SHLD1: variants seen among roughly 807,000 people sequenced by gnomAD.
SHLD1 encodes the protein shieldin complex subunit 1.
Under a neutral mutation model 5.5 loss-of-function variants are expected in SHLD1, and 3 were observed. The observed-to-expected ratio is 0.54, with a 90% CI of 0.25 to 1.40. SHLD1 has a LOEUF of 1.40. Ranked by LOEUF, SHLD1 falls within the 40% of genes most tolerant of loss-of-function variation. The pLI is 0.15. For synonymous variants in SHLD1, 92 were observed against 94.3 expected, an observed-to-expected ratio of 0.98 and a Z score of 0.14; for missense variants, 210 against 244.4, an observed-to-expected ratio of 0.86 and a Z score of 0.94.
chr20:5,829,006 C>G (rs1164724365), intron 2 of SHLD1, among the ~76,000 whole-genome samples: 1 of 152,046 alleles, frequency 6.6e-6, no homozygotes, highest in African/African-American at 2.4e-5. Flanking sequence ...CCTGAGTAGC[C>G]GAGACTACAG....
At chr20:5,791,059 A>T (rs1235348189) in intron 2 of SHLD1, among the ~76,000 whole-genome samples, 2 of 152,052 alleles carry the variant, frequency 1.3e-5, no homozygotes, top group Non-Finnish European at 1.5e-5. Flanking sequence ...GCTACTTGGG[A>T]GGCTGAGGCA....
chr20:5,755,727 T>C (rs1002499979), intron 1 of SHLD1, among the ~76,000 whole-genome samples: 2 of 151,902 alleles, frequency 1.3e-5, no homozygotes, highest in Non-Finnish European at 2.9e-5. Flanking sequence ...GCCTGGCTAA[T>C]TTTGTATTTT....
At chr20:5,818,436 C>T (rs2087566046) in intron 2 of SHLD1, among the ~76,000 whole-genome samples, 1 of 152,188 alleles carries the variant, frequency 6.6e-6, no homozygotes, top group East Asian at 1.9e-4. Flanking sequence ...GTTAACTCTG[C>T]CATTGCCAGA....
intron 2 of SHLD1, among the ~76,000 whole-genome samples, chr20:5,803,769 G>A (rs1262357815): frequency 2.0e-5 from 3 of 151,744 alleles, no homozygotes; most frequent in Admixed American, 6.6e-5. Flanking sequence ...CTACTCAGAA[G>A]GCTAAGGCAG....
intron 2 of SHLD1, among the ~76,000 whole-genome samples, chr20:5,784,550 A>G (rs781184914): frequency 2.7e-4 from 41 of 151,914 alleles, no homozygotes; most frequent in Non-Finnish European, 5.1e-4. Flanking sequence ...TCCCGGGTTC[A>G]CGCCATTCTC....
At chr20:5,779,212 A>AAAAT (rs1357516798) in intron 2 of SHLD1, among the ~76,000 whole-genome samples, 1 of 151,932 alleles carries the variant, frequency 6.6e-6, no homozygotes, top group East Asian at 1.9e-4. Flanking sequence ...AAAAAAAAAA[A>AAAAT]AAAAGTCAGT....
intron 2 of SHLD1, among the ~76,000 whole-genome samples, chr20:5,792,977 G>A (rs944379833): frequency 6.6e-6 from 1 of 152,108 alleles, no homozygotes; most frequent in African/African-American, 2.4e-5. Flanking sequence ...GCCTGGCCTC[G>A]ACTTTGTTCT....
chr20:5,850,799 C>T (rs541531422), intron 2 of SHLD1, among the ~76,000 whole-genome samples: 8 of 152,310 alleles, frequency 5.3e-5, no homozygotes, highest in Non-Finnish European at 1.2e-4. Flanking sequence ...CATGAGCCAA[C>T]GCACCTGGCG....
intron 2 of SHLD1, among the ~76,000 whole-genome samples, chr20:5,857,720 G>A (rs1357121438): frequency 6.6e-6 from 1 of 151,830 alleles, no homozygotes; most frequent in African/African-American, 2.4e-5. Flanking sequence ...GAGGTGGGAG[G>A]ATCGCCTGAG....
intron 2 of SHLD1, among the ~76,000 whole-genome samples, chr20:5,799,296 GCTTT>G (rs1280862873): frequency 1.4e-5 from 2 of 146,808 alleles, no homozygotes; most frequent in African/African-American, 5.0e-5. Flanking sequence ...TCTCTTTCTT[GCTTT>G]CTTTCTCTCT....
At chr20:5,843,295 C>CTT (rs11473559) in intron 2 of SHLD1, among the ~76,000 whole-genome samples, 7,671 of 141,614 alleles carry the variant, frequency 0.054, 370 homozygotes, top group African/African-American at 0.13. Context: ...TTGTTTTTTT[C>CTT]TTTTTTTTTT....
intron 2 of SHLD1, among the ~76,000 whole-genome samples, chr20:5,793,811 G>C (rs1000606748): frequency 6.6e-6 from 1 of 152,066 alleles, no homozygotes; most frequent in Non-Finnish European, 1.5e-5. Context: ...TGGTTCAAGT[G>C]ATTCTCCTGC....
chr20:5,781,114 CCA>C lies in SHLD1; in HGVS notation c.178+8072_178+8073del, dbSNP rs756250604. Among the ~76,000 whole-genome samples, 11 of 152,246 alleles carry C rather than the reference CCA, an allele frequency of 7.2e-5. No homozygotes were observed. The East Asian group carries it at 1.9e-3, about 27-fold the overall frequency. ...AGTCCATCTGGCCTGAAGTTCCCAC[CCA>C]GCCACTCCTCATGAAATGATGGTAA... On this transcript the variant is annotated intron_variant, in intron 2 of 2. Coordinates refer to ENST00000303142, the MANE Select transcript of SHLD1 (RefSeq NM_152504.4).
At chr20:5,851,288 C>G (rs1270474343) in intron 2 of SHLD1, among the ~76,000 whole-genome samples, 1 of 152,144 alleles carries the variant, frequency 6.6e-6, no homozygotes, top group African/African-American at 2.4e-5. Context: ...GAGTTTGAGA[C>G]CAGCCTGACC....
chr20:5,838,884 C>T (rs1175929230), intron 2 of SHLD1, among the ~76,000 whole-genome samples: 2 of 152,212 alleles, frequency 1.3e-5, no homozygotes, highest in East Asian at 1.9e-4. Context: ...TAAATTTTGT[C>T]CAGCATGTGG....
intron 1 of SHLD1, among the ~76,000 whole-genome samples, chr20:5,765,531 A>C (rs1005333707): frequency 1.4e-4 from 21 of 152,074 alleles, no homozygotes; most frequent in African/African-American, 4.1e-4. Context: ...TACAGGTGTG[A>C]GCCACCACGC....
intron 2 of SHLD1, among the ~76,000 whole-genome samples, chr20:5,830,126 A>G (rs952941695): frequency 1.3e-5 from 2 of 152,224 alleles, no homozygotes; most frequent in African/African-American, 4.8e-5. Flanking sequence ...ACTCCCAGGT[A>G]AGTACCTAAG....
At chr20:5,817,500 TC>T (rs1480932260) in intron 2 of SHLD1, among the ~76,000 whole-genome samples, 1 of 145,212 alleles carries the variant, frequency 6.9e-6, no homozygotes, top group African/African-American at 2.5e-5. Context: ...AGCCACTGCA[TC>T]CAGCCTAAAC....
intron 2 of SHLD1, among the ~76,000 whole-genome samples, chr20:5,812,069 CT>C (rs1037236061): frequency 3.1e-4 from 42 of 136,586 alleles, no homozygotes; most frequent in African/African-American, 9.6e-4. Context: ...TTTTCTTTTT[CT>C]TTTTTTTTTC....
Sources: allele counts gnomAD v4.1 joint callset (sites outside exome capture counted in the v4.1 genomes callset), GRCh38; gene constraint gnomAD v4.1.1; transcripts MANE v1.5; gene names NCBI Gene and HGNC (gene_info 2026-07-23, HGNC 2026-07-21).